RYR3: variants seen among roughly 807,000 people sequenced by gnomAD.
RYR3 encodes brain ryanodine receptor-calcium release channel.
Under a neutral mutation model 584.3 loss-of-function variants are expected in RYR3, and 207 were observed. The ratio of observed to expected loss-of-function variants is 0.35; its 90% CI spans 0.32 to 0.40. RYR3 has a LOEUF of 0.40. Among genes scored for constraint, RYR3 ranks in the 10% least tolerant of loss-of-function variants. The probability of loss-of-function intolerance (pLI) is 1.00; values close to 1 mark genes in which losing one functional copy is unlikely to be tolerated. For missense variants in RYR3, 5,616 were observed against 6,089.2 expected (o/e 0.92, Z 2.59); for synonymous variants, 2,416 against 2,248.5 (o/e 1.07, Z -2.11).
rs374725806 is a variant in RYR3, at chr15:33,668,320, AAAAC to A, written c.5620-1018_5620-1015del. ...CAACAGAGCGAGACTCTGTCTCAAAAAAACAAACAAACAAACAAAAAAACTTGTA... is the reference window on the plus strand; with the variant it reads ...CAACAGAGCGAGACTCTGTCTCAAAAAAACAAACAAACAAAAAAACTTGTA... On this transcript the variant is annotated intron_variant, in intron 36 of 103. Coordinates refer to ENST00000634891, the MANE Select transcript of RYR3 (RefSeq NM_001036.6). Among the ~76,000 whole-genome samples the A allele has an allele frequency of 1.2e-3, 181 of 152,222 alleles. 6 individuals are homozygous for A. In the South Asian group the frequency reaches 0.028, roughly 24 times the overall value.
intron 81 of RYR3, among the ~76,000 whole-genome samples, 187 bp from the exon 82 acceptor site, chr15:33,825,416 C>G (rs1409438599): frequency 2.6e-5 from 4 of 152,140 alleles, no homozygotes; most frequent in Admixed American, 2.0e-4. Flanking sequence ...GAGCTATAGG[C>G]ACCTAAGACA....
At chr15:33,399,279 T>C (rs1307063887) in intron 1 of RYR3, among the ~76,000 whole-genome samples, 1 of 152,162 alleles carries the variant, frequency 6.6e-6, no homozygotes, top group Non-Finnish European at 1.5e-5. Context: ...GCTATTAAGT[T>C]CTGCATTGTT....
intron 102 of RYR3, among the ~76,000 whole-genome samples, 172 bp from the exon 103 acceptor site, chr15:33,863,966 C>G (rs1226092556): frequency 6.6e-6 from 1 of 152,178 alleles, no homozygotes; most frequent in Non-Finnish European, 1.5e-5. Flanking sequence ...TTCATGTGTG[C>G]TACTATTAGA....
At position 33,473,606 on chromosome 15, in the gene RYR3, A is replaced by G. The variant is rs1444675440; in HGVS notation, c.171+68A>G. On this transcript the variant is annotated intron_variant, in intron 2 of 103. Coordinates refer to ENST00000634891, the MANE Select transcript of RYR3 (RefSeq NM_001036.6). ...TCTGACAAAGTCATTTAGGGGAGAT[A>G]CTGCTGGGAGATGGTGATGAGGACG... The G allele has an allele frequency of 6.6e-6, 10 of 1,506,938 alleles. No individual in the cohort carries two copies. The African/African-American group carries it at 9.7e-5, about 15-fold the overall frequency. 93.3% of individuals were successfully genotyped at this position (1,506,938 alleles called of 1,614,324 possible). A position where few individuals can be genotyped will look rare whatever the true frequency, so the allele number is the denominator to read the frequency against.
intron 7 of RYR3, 23 bp downstream of exon 7, chr15:33,540,913 A>T: frequency 6.9e-7 from 1 of 1,449,340 alleles, no homozygotes; most frequent in South Asian, 1.1e-5. Flanking sequence ...AAATGCATTT[A>T]GCCCTGAGCC....
chr15:33,781,461 C>T (rs1315689423), intron 65 of RYR3, among the ~76,000 whole-genome samples: 1 of 152,170 alleles, frequency 6.6e-6, no homozygotes, highest in South Asian at 2.1e-4. Context: ...TTCAAGCCCC[C>T]TTTCTCAAAC....
At chr15:33,725,994 A>AACG (rs67084115) in intron 45 of RYR3, among the ~76,000 whole-genome samples, 3 of 44,558 alleles carry the variant, frequency 6.7e-5, no homozygotes, top group East Asian at 9.9e-4. Context: ...AAAAAAAAAA[A>AACG]AAACAGAATT....
At chr15:33,677,987 C>A (rs563752040) in intron 38 of RYR3, among the ~76,000 whole-genome samples, 6 of 152,200 alleles carry the variant, frequency 3.9e-5, no homozygotes, top group African/African-American at 1.4e-4. Context: ...TTTGTTTATT[C>A]AATTGAAGCG....
At chr15:33,798,181 C>G (rs1183969989) in intron 67 of RYR3, among the ~76,000 whole-genome samples, 2 of 152,126 alleles carry the variant, frequency 1.3e-5, no homozygotes, top group African/African-American at 2.4e-5. Flanking sequence ...CTCCGCCTCC[C>G]AGGCTCAAGC....
intron 98 of RYR3, 84 bp from the exon 99 acceptor site, chr15:33,857,696 C>G: frequency 2.6e-6 from 4 of 1,549,228 alleles, no homozygotes; most frequent in Non-Finnish European, 3.5e-6. Flanking sequence ...CACTCTTCCT[C>G]CTCGTTTTCT....
intron 83 of RYR3, among the ~76,000 whole-genome samples, 198 bp downstream of exon 83, chr15:33,826,467 C>T (rs2077386109): frequency 6.6e-6 from 1 of 152,194 alleles, no homozygotes; most frequent in Non-Finnish European, 1.5e-5. Flanking sequence ...TCTCCTTATC[C>T]AGTTGTCTTC....
chr15:33,768,475 G>A (rs998378477), intron 60 of RYR3, among the ~76,000 whole-genome samples, 183 bp from the exon 61 acceptor site: 1 of 152,210 alleles, frequency 6.6e-6, no homozygotes. Flanking sequence ...CTCCAAGGCA[G>A]TGTGAACCAC....
At chr15:33,713,974 G>C (rs78252246) in intron 43 of RYR3, among the ~76,000 whole-genome samples, 25 of 152,202 alleles carry the variant, frequency 1.6e-4, no homozygotes, top group African/African-American at 5.8e-4. Flanking sequence ...TTTGGAGGGT[G>C]GGGGGGACAC....
At chr15:33,794,167 T>TAAATATAATATAC (rs1567184735) in intron 67 of RYR3, among the ~76,000 whole-genome samples, 1 of 122,112 alleles carries the variant, frequency 8.2e-6, no homozygotes, top group Non-Finnish European at 1.6e-5. Context: ...ATATAATATA[T>TAAATATAATATAC]ACAAATATAC....
At chr15:33,556,153 T>C (rs1384303492) in intron 10 of RYR3, among the ~76,000 whole-genome samples, 4 of 152,192 alleles carry the variant, frequency 2.6e-5, no homozygotes, top group Admixed American at 2.0e-4. Flanking sequence ...TACAGTCCTG[T>C]ATTGTAAAAG....
Position 33,748,170 on chromosome 15 carries a change from G to C in RYR3, c.8046G>C (p.Val2682=). ...AGTCCCTGAAAACCATGCTGGCTGT[G>C]GGCTGGACTGTGGAGAGGACCAAAG... ...ARESLKTMLA[V]GWTVERTKEG... The change falls in exon 54 of 104, where the codon GTG becomes GTC. Residue 2682 remains valine, a synonymous_variant. Coordinates refer to ENST00000634891, the MANE Select transcript of RYR3 (RefSeq NM_001036.6). 6.2e-7 allele frequency: 1 copy of C among 1,613,884 alleles called. No individual in the cohort carries two copies. The highest frequency in any genetic ancestry group is 1.1e-5 in the South Asian group (1 of 91,078).
At chr15:33,811,579 G>GTTTGTTTT (rs2076549673) in intron 72 of RYR3, among the ~76,000 whole-genome samples, 1 of 151,218 alleles carries the variant, frequency 6.6e-6, no homozygotes, top group Non-Finnish European at 1.5e-5. Context: ...TTGTTTGTTT[G>GTTTGTTTT]TTTTTGCCCT....
intron 70 of RYR3, among the ~76,000 whole-genome samples, chr15:33,809,401 C>G (rs954601472): frequency 6.6e-6 from 1 of 152,180 alleles, no homozygotes; most frequent in South Asian, 2.1e-4. Flanking sequence ...CCAGCAAGTG[C>G]CCACTGAGGC....
intron 2 of RYR3, among the ~76,000 whole-genome samples, chr15:33,487,864 G>A (rs1005019153): frequency 2.6e-5 from 4 of 152,162 alleles, no homozygotes; most frequent in Non-Finnish European, 5.9e-5. Context: ...CAGCTGAACT[G>A]TTTTCTTTCA....
Sources: allele counts gnomAD v4.1 joint callset (sites outside exome capture counted in the v4.1 genomes callset), GRCh38; gene constraint gnomAD v4.1.1; transcripts MANE v1.5; gene names NCBI Gene and HGNC (gene_info 2026-07-23, HGNC 2026-07-21).